Variants in PAPPA2 observed in about 807,000 individuals in gnomAD.
PAPPA2 encodes the protein pappalysin-2.
A neutral mutation model predicts 176.4 loss-of-function variants in PAPPA2; 86 were observed. The observed-to-expected ratio is 0.49, with a 90% CI of 0.41 to 0.58. PAPPA2 has a LOEUF of 0.58. Among genes scored for constraint, PAPPA2 ranks in the 20% least tolerant of loss-of-function variants. The pLI, the probability that PAPPA2 is intolerant of heterozygous loss-of-function variation, is 0.00. For missense variants in PAPPA2, 2,073 were observed against 2,256.9 expected (o/e 0.92, Z 1.65); for synonymous variants, 809 against 852.2 (o/e 0.95, Z 0.88).
intron 8 of PAPPA2, among the ~76,000 whole-genome samples, chr1:176,701,028 C>T (rs986359839): frequency 6.8e-6 from 1 of 146,434 alleles, no homozygotes; most frequent in African/African-American, 2.6e-5. Context: ...CATTTGTTAT[C>T]TAATTTGCTA....
chr1:176,709,213 C>G (rs1661029538), intron 10 of PAPPA2, among the ~76,000 whole-genome samples: 1 of 152,172 alleles, frequency 6.6e-6, no homozygotes, highest in Non-Finnish European at 1.5e-5. Context: ...GACAGCCCCT[C>G]TGTCTTAGTT....
intron 1 of PAPPA2, among the ~76,000 whole-genome samples, chr1:176,475,143 G>A (rs1416976187): frequency 6.6e-6 from 1 of 152,108 alleles, no homozygotes; most frequent in Non-Finnish European, 1.5e-5. Flanking sequence ...GTACACAAAT[G>A]CTATGCTGTA....
intron 3 of PAPPA2, among the ~76,000 whole-genome samples, chr1:176,599,476 C>T (rs1654180228): frequency 6.8e-6 from 1 of 146,324 alleles, no homozygotes; most frequent in South Asian, 2.2e-4. Context: ...TTTCTCTTTT[C>T]TCTCCTACGT....
chr1:176,725,212 T>C (rs1661810388), intron 12 of PAPPA2, among the ~76,000 whole-genome samples: 1 of 152,370 alleles, frequency 6.6e-6, no homozygotes, highest in Admixed American at 6.5e-5. Context: ...ATATTATTCA[T>C]GTTTAAAGTT....
At chr1:176,689,424 A>T (rs1411374179) in intron 4 of PAPPA2, among the ~76,000 whole-genome samples, 1 of 152,126 alleles carries the variant, frequency 6.6e-6, no homozygotes, top group Non-Finnish European at 1.5e-5. Context: ...TCTCATGGTG[A>T]TTGTGACATT....
Position 176,845,144 on chromosome 1 carries a change from C to G in PAPPA2, c.*2690C>G, listed in dbSNP as rs1204245539. On this transcript the variant is annotated 3_prime_UTR_variant, in exon 23 of 23. Coordinates refer to ENST00000367662, the MANE Select transcript of PAPPA2 (RefSeq NM_020318.3). ...CAGATCCCAGCAACATCAACTCACA[C>G]TCAATCCATGTGGTGGTCCACATTC... The G allele has an allele frequency of 4.6e-5, 7 of 152,192 alleles. No individual in the cohort carries two copies. The highest frequency in any genetic ancestry group is 1.0e-4 in the Non-Finnish European group (7 of 68,042). 9.4% of individuals were successfully genotyped at this position (152,192 alleles called of 1,614,324 possible). A position where few individuals can be genotyped will look rare whatever the true frequency, so the allele number is the denominator to read the frequency against.
At chr1:176,466,034 G>A (rs995480844) in intron 1 of PAPPA2, among the ~76,000 whole-genome samples, 2 of 152,068 alleles carry the variant, frequency 1.3e-5, no homozygotes, top group African/African-American at 2.4e-5. Context: ...TTTAAAAAAT[G>A]TATTAGGCAA....
intron 3 of PAPPA2, among the ~76,000 whole-genome samples, chr1:176,669,887 G>T (rs1228858286): frequency 6.6e-6 from 1 of 152,166 alleles, no homozygotes; most frequent in African/African-American, 2.4e-5. Flanking sequence ...TAGGGTGGTA[G>T]ATTTCAATGT....
At chr1:176,683,470 G>A (rs1659687105) in intron 4 of PAPPA2, among the ~76,000 whole-genome samples, 1 of 152,128 alleles carries the variant, frequency 6.6e-6, no homozygotes, top group Non-Finnish European at 1.5e-5. Flanking sequence ...ATTCAGGTAT[G>A]CAAGAAATGT....
intron 12 of PAPPA2, among the ~76,000 whole-genome samples, chr1:176,739,060 C>T (rs1317050552): frequency 6.6e-6 from 1 of 152,070 alleles, no homozygotes; most frequent in African/African-American, 2.4e-5. Flanking sequence ...TTGGCAGATT[C>T]TAATTTCAGA....
At chr1:176,602,682 G>C (rs1654395787) in intron 3 of PAPPA2, among the ~76,000 whole-genome samples, 1 of 152,070 alleles carries the variant, frequency 6.6e-6, no homozygotes, top group Admixed American at 6.5e-5. Context: ...AGGAAGAAAA[G>C]AAGTGGAGGA....
intron 17 of PAPPA2, among the ~76,000 whole-genome samples, chr1:176,784,881 C>T (rs549266474): frequency 3.9e-5 from 6 of 152,110 alleles, no homozygotes; most frequent in East Asian, 1.9e-4. Context: ...CCACCGCGCC[C>T]GGCCAGATGA....
At chr1:176,602,796 G>T (rs1426692508) in intron 3 of PAPPA2, among the ~76,000 whole-genome samples, 1 of 152,138 alleles carries the variant, frequency 6.6e-6, no homozygotes, top group African/African-American at 2.4e-5. Flanking sequence ...TCATGGTCAC[G>T]TCAACTGGCA....
In PAPPA2 at chr1:176,526,158, G is replaced by A. The variant is rs572118037; in HGVS notation, c.-916-29249G>A. On this transcript the variant is annotated intron_variant, in intron 1 of 22. Transcript: ENST00000367662. ...CAACCCTGAAAAGAAAATGGTCTCT[G>A]GAGTCCTCCATTTTGTGGATAGAGT... 1.9e-3 allele frequency among the ~76,000 whole-genome samples: 284 copies of A among 152,290 alleles called. 3 individuals are homozygous for A. The highest frequency in any genetic ancestry group is 7.4e-5 in the Non-Finnish European group (5 of 68,020).
intron 14 of PAPPA2, among the ~76,000 whole-genome samples, chr1:176,764,703 T>C (rs1442177921): frequency 1.3e-5 from 2 of 151,958 alleles, no homozygotes; most frequent in African/African-American, 4.8e-5. Context: ...TTCACGCCAT[T>C]CTCCTGCCTC....
At chr1:176,485,888 A>G (rs1370239767) in intron 1 of PAPPA2, among the ~76,000 whole-genome samples, 1 of 152,242 alleles carries the variant, frequency 6.6e-6, no homozygotes, top group Non-Finnish European at 1.5e-5. Context: ...TCAAAGAAGC[A>G]TTTAGACTTG....
At chr1:176,790,233 T>C (rs556631457) in intron 18 of PAPPA2, among the ~76,000 whole-genome samples, 1 of 152,280 alleles carries the variant, frequency 6.6e-6, no homozygotes, top group Admixed American at 6.5e-5. Context: ...CCAAAAAGAA[T>C]GCTGGGATCC....
rs1648045045 is a variant in PAPPA2 at position 176,502,881 on chromosome 1, C to T, written c.-917+39463C>T. On this transcript the variant is annotated intron_variant, in intron 1 of 22. Transcript: ENST00000367662. ...AGAGTCCATGTCGTAGGTTTTTCTT[C>T]CAGTTAATAAAACCGGTTCATGTCC... 1.3e-5 allele frequency among the ~76,000 whole-genome samples: 2 copies of T among 152,094 alleles called. 1 individual carries two copies. The highest frequency in any genetic ancestry group is 2.9e-5 in the Non-Finnish European group (2 of 68,028).
At chr1:176,587,600 T>G (rs547197656) in intron 2 of PAPPA2, among the ~76,000 whole-genome samples, 3 of 152,190 alleles carry the variant, frequency 2.0e-5, no homozygotes, top group African/African-American at 7.2e-5. Flanking sequence ...TGGTTGTAGA[T>G]GTGTGGTGTG....
Sources: gnomAD v4.1 joint callset for allele counts (sites outside exome capture counted in the v4.1 genomes callset) on GRCh38, gnomAD v4.1.1 for gene constraint, MANE v1.5 for transcripts, NCBI Gene and HGNC (gene_info 2026-07-23, HGNC 2026-07-21) for gene names.